Variants in CLVS1 observed in about 807,000 individuals in gnomAD.
CLVS1 encodes clavesin-1.
A neutral mutation model predicts 33.1 loss-of-function variants in CLVS1; 10 were observed. The ratio of observed to expected loss-of-function variants is 0.30; its 90% confidence interval spans 0.19 to 0.51. The LOEUF (loss-of-function observed/expected upper bound fraction) is 0.51. CLVS1 is among the 20% of genes least tolerant of loss of function. CLVS1 has a pLI of 0.97. For synonymous variants in CLVS1, 163 were observed against 166.1 expected (o/e 0.98, Z 0.14); for missense variants, 343 against 433.4 (o/e 0.79, Z 1.85).
intron 3 of CLVS1, among the ~76,000 whole-genome samples, chr8:61,392,063 A>G (rs1396205240): frequency 6.6e-6 from 1 of 152,208 alleles, no homozygotes; most frequent in African/African-American, 2.4e-5. Context: ...TAGCCCAAGT[A>G]TAATACATAC....
the CLVS1 span, among the ~76,000 whole-genome samples, chr8:61,050,768 G>GT: frequency 6.6e-6 from 1 of 152,174 alleles, no homozygotes; most frequent in Non-Finnish European, 1.5e-5. Flanking sequence ...TTCCTTCCTC[G>GT]CCTTTGGCAC....
the CLVS1 span, among the ~76,000 whole-genome samples, chr8:60,973,708 T>C: frequency 2.0e-5 from 3 of 152,222 alleles, no homozygotes; most frequent in African/African-American, 7.2e-5. Flanking sequence ...GCATCCCTTT[T>C]CCCATGGAAT....
At chr8:60,967,521 C>A in the CLVS1 span, 1 of 389,886 alleles carries the variant, frequency 2.6e-6, no homozygotes, top group Non-Finnish European at 5.1e-6. Context: ...CAGACCCCAG[C>A]AGAAGGGGAC....
At chr8:61,328,558 T>C (rs1002375526) in intron 2 of CLVS1, among the ~76,000 whole-genome samples, 1 of 151,890 alleles carries the variant, frequency 6.6e-6, no homozygotes, top group Admixed American at 6.6e-5. Flanking sequence ...TCCCTTATCC[T>C]CATCAAAGAA....
intron 1 of CLVS1, among the ~76,000 whole-genome samples, chr8:61,075,924 T>C (rs1046730457): frequency 3.9e-5 from 6 of 152,246 alleles, no homozygotes; most frequent in South Asian, 2.1e-4. Context: ...TTAGTTTTTC[T>C]ACCAAGAGTT....
intron 2 of CLVS1, among the ~76,000 whole-genome samples, chr8:61,272,049 G>C (rs1430165709): frequency 6.6e-6 from 1 of 150,464 alleles, no homozygotes; most frequent in African/African-American, 2.5e-5. Context: ...ATGTTAGCTG[G>C]TTATTTTGCT....
chr8:61,090,135 C>T (rs1186514948), intron 1 of CLVS1, among the ~76,000 whole-genome samples: 3 of 152,146 alleles, frequency 2.0e-5, no homozygotes, highest in Non-Finnish European at 4.4e-5. Flanking sequence ...TCAACTTTTT[C>T]CTGTAAGGAG....
intron 2 of CLVS1, among the ~76,000 whole-genome samples, chr8:61,177,557 C>T (rs1807141657): frequency 6.6e-6 from 1 of 152,264 alleles, no homozygotes; most frequent in South Asian, 2.1e-4. Context: ...GGTTGTCAGA[C>T]ACCCTATACA....
chr8:61,302,358 C>T (rs374816865), intron 2 of CLVS1, among the ~76,000 whole-genome samples: 1 of 152,126 alleles, frequency 6.6e-6, no homozygotes, highest in Non-Finnish European at 1.5e-5. Context: ...ACTGATGAGA[C>T]AGATTTTTAG....
intron 3 of CLVS1, among the ~76,000 whole-genome samples, chr8:61,383,361 A>T (rs1409152126): frequency 6.6e-6 from 1 of 152,048 alleles, no homozygotes; most frequent in African/African-American, 2.4e-5. Context: ...ATCCTGTAGG[A>T]CTCTCTTCAG....
intron 3 of CLVS1, among the ~76,000 whole-genome samples, chr8:61,421,142 G>GAGGC (rs993812816): frequency 6.6e-6 from 1 of 152,134 alleles, no homozygotes; most frequent in African/African-American, 2.4e-5. Context: ...GTTCCATTCT[G>GAGGC]AGGCAGACTC....
At chr8:61,033,042 AAAGAAAAAGAAAGAAAGAT>A in the CLVS1 span, among the ~76,000 whole-genome samples, 1 of 108,410 alleles carries the variant, frequency 9.2e-6, no homozygotes, top group Non-Finnish European at 2.1e-5. Context: ...AGAAAGAAAG[AAAGAAAAAGAAAGAAAGAT>A]AGAAAGAAAG....
intron 2 of CLVS1, among the ~76,000 whole-genome samples, chr8:61,345,322 A>G (rs947402431): frequency 6.6e-6 from 1 of 152,170 alleles, no homozygotes; most frequent in Non-Finnish European, 1.5e-5. Context: ...TCCTTATAAA[A>G]TCACATTTAC....
intron 2 of CLVS1, among the ~76,000 whole-genome samples, chr8:61,150,989 C>A (rs1049571602): frequency 1.3e-5 from 2 of 152,164 alleles, no homozygotes; most frequent in African/African-American, 4.8e-5. Context: ...ATTCTGGGGG[C>A]CTGTATAAGC....
the CLVS1 span, among the ~76,000 whole-genome samples, chr8:61,002,327 G>A: frequency 1.0e-5 from 1 of 98,798 alleles, no homozygotes; most frequent in Admixed American, 1.2e-4. Context: ...ATGCTTGCTT[G>A]TTTTTTTTTT....
At chr8:61,438,852 G>A (rs139293137) in intron 3 of CLVS1, among the ~76,000 whole-genome samples, 19 of 152,260 alleles carry the variant, frequency 1.2e-4, no homozygotes, top group South Asian at 4.2e-4. Context: ...AGAGTGTTGC[G>A]TGAGATAATA....
rs995615267 is a variant in CLVS1, at chr8:61,130,267, A to ATAAATAAATAAATAAATAAG, written c.-242-1493_-242-1492insAATAAATAAGTAAATAAATA. Among the ~76,000 whole-genome samples, 150 of 150,620 alleles carry ATAAATAAATAAATAAATAAG rather than the reference A, an allele frequency of 1.0e-3. 1 individual carries two copies. Among genetic ancestry groups the ATAAATAAATAAATAAATAAG allele is most frequent in the African/African-American group, 3.5e-3 (142 of 41,144 alleles). Reference sequence around the variant, plus strand: ...AATAAATAAATAAATAAATAAATAAATAAATAAATATAAAAATAATTTAAA... The same window carrying ATAAATAAATAAATAAATAAG: ...AATAAATAAATAAATAAATAAATAAATAAATAAATAAATAAATAAGTAAATAAATATAAAAATAATTTAAA... On this transcript the variant is annotated intron_variant, in intron 1 of 2. Transcript: ENST00000522621.
the CLVS1 span, among the ~76,000 whole-genome samples, chr8:61,009,766 C>T: frequency 3.3e-5 from 5 of 152,246 alleles, no homozygotes; most frequent in South Asian, 2.1e-4. Context: ...GAGACACTGC[C>T]GATGGGGTGG....
chr8:61,441,252 T>A (rs1364129261), intron 3 of CLVS1, among the ~76,000 whole-genome samples: 7 of 152,194 alleles, frequency 4.6e-5, no homozygotes, highest in African/African-American at 1.7e-4. Context: ...CAGATCTGCA[T>A]GCATGCAGGT....
Sources: gnomAD v4.1 joint callset for allele counts (sites outside exome capture counted in the v4.1 genomes callset) on GRCh38, gnomAD v4.1.1 for gene constraint, MANE v1.5 for transcripts, NCBI Gene and HGNC (gene_info 2026-07-23, HGNC 2026-07-21) for gene names.